Variants in SPTLC1 observed in about 807,000 individuals in gnomAD.
The protein encoded by SPTLC1 is serine palmitoyltransferase 1.
SPTLC1 carries 55 observed loss-of-function variants against 68.9 expected under a neutral mutation model. That is an observed-to-expected ratio of 0.80 (90% CI 0.64 to 1.00). The LOEUF (loss-of-function observed/expected upper bound fraction) is 1.00. SPTLC1 is among the 50% of genes least tolerant of loss of function. SPTLC1 has a pLI of 0.00. For missense variants in SPTLC1, 449 were observed against 573.1 expected (o/e 0.78, Z 2.21); for synonymous variants, 197 against 201.6 (o/e 0.98, Z 0.19).
chr9:92,054,019 C>T lies in SPTLC1; in HGVS notation c.780+1386G>A, dbSNP rs954651987. The T allele has an allele frequency of 1.5e-5, 15 of 972,474 alleles. No individual in the cohort carries two copies. In the East Asian group the frequency reaches 6.8e-4, roughly 44 times the overall value. The allele number at this position is 972,474 out of a possible 1,614,324, so 60.2% of individuals were successfully genotyped here. A position where few individuals can be genotyped will look rare whatever the true frequency, so the allele number is the denominator to read the frequency against. On this transcript the variant is annotated intron_variant, in intron 8 of 14. Coordinates refer to ENST00000262554, the MANE Select transcript of SPTLC1 (RefSeq NM_006415.4). The stretch of plus-strand genomic sequence containing the variant: ...AGTTTTGGCCATGCGTGGTGGCTCA[C>T]GCCTGTAATCTCAGCACTTTGGGAG...
intron 13 of SPTLC1, among the ~76,000 whole-genome samples, chr9:92,035,722 AT>A (rs2118353917): frequency 6.6e-6 from 1 of 152,352 alleles, no homozygotes; most frequent in African/African-American, 2.4e-5. Flanking sequence ...GGAAAGAACA[AT>A]TATTCCATGT....
intron 6 of SPTLC1, among the ~76,000 whole-genome samples, chr9:92,064,491 T>C (rs368502153): frequency 6.6e-6 from 1 of 152,222 alleles, no homozygotes; most frequent in East Asian, 1.9e-4. Context: ...AGAACCTTGA[T>C]CATTCATATC....
chr9:92,076,172 A>ACCG (rs1423772804), intron 5 of SPTLC1, among the ~76,000 whole-genome samples: 1 of 152,016 alleles, frequency 6.6e-6, no homozygotes, highest in Non-Finnish European at 1.5e-5. Context: ...CACATCCTCC[A>ACCG]CCGCCACCCT....
intron 3 of SPTLC1, among the ~76,000 whole-genome samples, chr9:92,087,641 C>T (rs1229019700): frequency 6.6e-6 from 1 of 152,206 alleles, no homozygotes; most frequent in Non-Finnish European, 1.5e-5. Flanking sequence ...TGTGAGGTGT[C>T]AGTCTGCCCC....
chr9:92,068,269 G>A (rs1272308724), intron 5 of SPTLC1, among the ~76,000 whole-genome samples, 171 bp from the exon 6 acceptor site: 6 of 152,058 alleles, frequency 3.9e-5, no homozygotes, highest in Non-Finnish European at 7.4e-5. Flanking sequence ...ATAATTCTAG[G>A]CCCATACAAC....
At chr9:92,084,670 A>C (rs1195225153) in intron 3 of SPTLC1, among the ~76,000 whole-genome samples, 2 of 151,944 alleles carry the variant, frequency 1.3e-5, no homozygotes, top group African/African-American at 2.4e-5. Context: ...TTTTTGCATC[A>C]ATGTTCATCA....
At chr9:92,079,061 T>C in intron 5 of SPTLC1, 1 of 944,616 alleles carries the variant, frequency 1.1e-6, no homozygotes, top group Non-Finnish European at 1.3e-6. Context: ...CAGCAATAAA[T>C]TCATTTAAAC....
intron 5 of SPTLC1, among the ~76,000 whole-genome samples, chr9:92,071,396 G>A (rs939410455): frequency 5.3e-5 from 8 of 152,116 alleles, no homozygotes; most frequent in South Asian, 2.1e-4. Flanking sequence ...GTGAAACTCC[G>A]TCTCAACCAC....
At chr9:92,045,973 G>A in intron 12 of SPTLC1, 26 bp downstream of exon 12, 2 of 1,602,136 alleles carry the variant, frequency 1.2e-6, no homozygotes, top group East Asian at 2.2e-5. Context: ...TAAACTTTAT[G>A]TTGGTTGAAA....
intron 4 of SPTLC1, among the ~76,000 whole-genome samples, 164 bp downstream of exon 4, chr9:92,080,706 T>C (rs1273949512): frequency 6.6e-6 from 1 of 152,122 alleles, no homozygotes; most frequent in African/African-American, 2.4e-5. Flanking sequence ...GCCCTGCTAA[T>C]TTTTGTATTT....
rs1832995312 is a variant in SPTLC1 at position 92,032,454 on chromosome 9, C to CG, written c.*10dup. The CG allele has an allele frequency of 1.2e-6, 2 of 1,614,128 alleles. No homozygotes were observed. The highest frequency in any genetic ancestry group is 1.7e-6 in the Non-Finnish European group (2 of 1,180,038). On this transcript the variant is annotated 3_prime_UTR_variant, in exon 15 of 15. Coordinates refer to ENST00000262554, the MANE Select transcript of SPTLC1 (RefSeq NM_006415.4). ...GTTGTGTGGCAGGAGGCCATGGTCC[C>CG]GGGACTCTGCCTAGAGCAGGACGGC...
At chr9:92,054,943 G>A (rs905137033) in intron 8 of SPTLC1, among the ~76,000 whole-genome samples, 1 of 151,708 alleles carries the variant, frequency 6.6e-6, no homozygotes, top group Non-Finnish European at 1.5e-5. Flanking sequence ...GCTAAGTTTT[G>A]GCCAGGTGTG....
intron 11 of SPTLC1, among the ~76,000 whole-genome samples, chr9:92,046,729 G>A (rs1833526121): frequency 6.6e-6 from 1 of 152,050 alleles, no homozygotes; most frequent in Admixed American, 6.6e-5. Flanking sequence ...TGGTAAACCC[G>A]GCTTGGCCTC....
chr9:92,092,684 G>T (rs1051657254), intron 3 of SPTLC1, among the ~76,000 whole-genome samples: 1 of 152,084 alleles, frequency 6.6e-6, no homozygotes, highest in African/African-American at 2.4e-5. Flanking sequence ...GCAGTGAGCC[G>T]AGATTGCGCC....
chr9:92,078,750 T>C (rs1025135511), intron 5 of SPTLC1, among the ~76,000 whole-genome samples: 6 of 152,132 alleles, frequency 3.9e-5, no homozygotes, highest in Non-Finnish European at 8.8e-5. Context: ...CCACTAAACC[T>C]GGCCAATTTC....
intron 3 of SPTLC1, among the ~76,000 whole-genome samples, chr9:92,097,217 G>GAATA (rs973261632): frequency 9.2e-5 from 14 of 152,282 alleles, no homozygotes; most frequent in African/African-American, 3.4e-4. Flanking sequence ...TAGCTAGTGG[G>GAATA]AATATAAAAT....
intron 3 of SPTLC1, among the ~76,000 whole-genome samples, chr9:92,086,357 G>A (rs1835131231): frequency 2.0e-5 from 3 of 152,216 alleles, no homozygotes; most frequent in Non-Finnish European, 4.4e-5. Flanking sequence ...TTACATTTTG[G>A]CATGATTTTG....
At chr9:92,110,547 T>A (rs1235205325) in intron 2 of SPTLC1, 1 of 152,228 alleles carries the variant, frequency 6.6e-6, no homozygotes, top group African/African-American at 2.4e-5. Flanking sequence ...TTTCGACTCA[T>A]TAGATTATGA....
At chr9:92,034,914 C>G (rs201906012) in intron 13 of SPTLC1, 31 bp from the exon 14 acceptor site, 18 of 1,578,606 alleles carry the variant, frequency 1.1e-5, no homozygotes, top group Non-Finnish European at 1.4e-5. Context: ...CATCTGCAAC[C>G]TGGACTTCAG....
Sources: allele counts gnomAD v4.1 joint callset (sites outside exome capture counted in the v4.1 genomes callset), GRCh38; gene constraint gnomAD v4.1.1; transcripts MANE v1.5; gene names NCBI Gene and HGNC (gene_info 2026-07-23, HGNC 2026-07-21).